PTPRD: variants seen among roughly 807,000 people sequenced by gnomAD.
PTPRD encodes protein tyrosine phosphatase receptor type D.
A neutral mutation model predicts 214.5 loss-of-function variants in PTPRD; 34 were observed. The ratio of observed to expected loss-of-function variants is 0.16; its 90% CI spans 0.12 to 0.21. The LOEUF (loss-of-function observed/expected upper bound fraction) is 0.21, where lower values mean the gene tolerates loss of function less well. PTPRD is among the 10% of genes least tolerant of loss of function. The pLI is 1.00. For synonymous variants in PTPRD, 1,128 were observed against 845.7 expected (o/e 1.33, Z -5.79); for missense variants, 2,545 against 2,398.7 (o/e 1.06, Z -1.27).
At chr9:10,472,038 T>C (rs181559583) in intron 2 of PTPRD, among the ~76,000 whole-genome samples, 1 of 152,228 alleles carries the variant, frequency 6.6e-6, no homozygotes, top group East Asian at 1.9e-4. Flanking sequence ...GCTTATGAGA[T>C]ATCACAAAAT....
chr9:9,502,264 C>T (rs956269304), intron 8 of PTPRD, among the ~76,000 whole-genome samples: 16 of 151,802 alleles, frequency 1.1e-4, no homozygotes, highest in Admixed American at 4.0e-4. Context: ...TGACTAATAT[C>T]TCCCCCTTTC....
intron 10 of PTPRD, among the ~76,000 whole-genome samples, chr9:9,146,658 C>G (rs2099869075): frequency 6.6e-6 from 1 of 151,960 alleles, no homozygotes; most frequent in Non-Finnish European, 1.5e-5. Context: ...GTTTGAAGTT[C>G]CAAAAATATT....
chr9:9,637,569 C>T (rs1255171155), intron 7 of PTPRD, among the ~76,000 whole-genome samples: 2 of 152,188 alleles, frequency 1.3e-5, no homozygotes, highest in African/African-American at 4.8e-5. Context: ...ATGTGGTTCC[C>T]CTAATGCCTT....
At chr9:9,653,767 C>A (rs1021858781) in intron 7 of PTPRD, among the ~76,000 whole-genome samples, 2 of 152,206 alleles carry the variant, frequency 1.3e-5, no homozygotes, top group African/African-American at 4.8e-5. Flanking sequence ...ACTTATAAAG[C>A]TCCTTCCTCT....
chr9:9,495,397 GT>G (rs759638425), intron 8 of PTPRD, among the ~76,000 whole-genome samples: 3 of 151,336 alleles, frequency 2.0e-5, no homozygotes, highest in Admixed American at 1.3e-4. Context: ...TTCTATTCCT[GT>G]TTTCCCACTC....
intron 10 of PTPRD, among the ~76,000 whole-genome samples, chr9:9,078,996 G>C (rs1004677656): frequency 6.6e-6 from 1 of 151,934 alleles, no homozygotes; most frequent in Non-Finnish European, 1.5e-5. Context: ...ATGATGTATA[G>C]TGATCAGATC....
At chr9:10,244,141 C>T (rs960896128) in intron 3 of PTPRD, among the ~76,000 whole-genome samples, 1 of 151,876 alleles carries the variant, frequency 6.6e-6, no homozygotes, top group Admixed American at 6.6e-5. Context: ...GTATCCCACT[C>T]AAACTTTGAG....
At chr9:9,828,680 C>A (rs1186444274) in intron 5 of PTPRD, among the ~76,000 whole-genome samples, 1 of 151,240 alleles carries the variant, frequency 6.6e-6, no homozygotes, top group Non-Finnish European at 1.5e-5. Flanking sequence ...AATTTACTTC[C>A]TAATGAAAAT....
intron 12 of PTPRD, among the ~76,000 whole-genome samples, chr9:8,671,800 T>C (rs906775358): frequency 1.3e-5 from 2 of 152,180 alleles, no homozygotes; most frequent in Non-Finnish European, 2.9e-5. Context: ...TTTCTTGTGG[T>C]TCCATATGAA....
rs2098535190 is a variant in PTPRD at position 10,099,934 on chromosome 9, T to C, written c.-544-66144A>G. On this transcript the variant is annotated intron_variant, in intron 3 of 45. Transcript: ENST00000381196. ...TACTGCATCCTCTATAATCTATGAA[T>C]GCACATTAACATTTTAAAGGATTTG... is the stretch of plus-strand genomic sequence containing the variant. Among the ~76,000 whole-genome samples, 3 of 151,734 alleles carry C rather than the reference T, an allele frequency of 2.0e-5. No homozygotes were observed. The South Asian group carries it at 6.2e-4, about 31-fold the overall frequency.
intron 5 of PTPRD, among the ~76,000 whole-genome samples, chr9:9,925,048 A>G (rs2083791368): frequency 6.6e-6 from 1 of 152,138 alleles, no homozygotes; most frequent in Admixed American, 6.6e-5. Flanking sequence ...CAGCTGGTAT[A>G]TAATTGTCTA....
Position 8,979,868 on chromosome 9 carries a change from C to A in PTPRD, c.-104+38829G>T, listed in dbSNP as rs938704458. Among the ~76,000 whole-genome samples, 7 of 152,102 alleles carry A rather than the reference C, an allele frequency of 4.6e-5. No individual in the cohort carries two copies. The South Asian group carries it at 1.2e-3, about 27-fold the overall frequency. Reference sequence around the variant, plus strand: ...CAGCAATTCCTCTTTTGGACATATACCCAAAGAAGATGAAATCACCACTTT... The same window carrying A: ...CAGCAATTCCTCTTTTGGACATATAACCAAAGAAGATGAAATCACCACTTT... On this transcript the variant is annotated intron_variant, in intron 11 of 45. Transcript: ENST00000381196.
chr9:8,479,865 C>T (rs1288586646), intron 30 of PTPRD, among the ~76,000 whole-genome samples: 1 of 151,988 alleles, frequency 6.6e-6, no homozygotes, highest in African/African-American at 2.4e-5. Context: ...TCTATCATTT[C>T]CCTGTTCCTT....
At chr9:8,636,982 A>G (rs901097352) in intron 12 of PTPRD, 138 bp from the exon 13 acceptor site, 5 of 816,260 alleles carry the variant, frequency 6.1e-6, no homozygotes, top group Non-Finnish European at 9.1e-6. Context: ...TGGGATTACA[A>G]AATTAGAAAA....
In PTPRD at chr9:9,727,489, C is replaced by T. The variant is rs147396835; in HGVS notation, c.-287+7044G>A. 1.7e-3 allele frequency among the ~76,000 whole-genome samples: 254 copies of T among 152,148 alleles called. 1 individual carries two copies. Among genetic ancestry groups the T allele is most frequent in the African/African-American group, 5.7e-3 (237 of 41,522 alleles). ...ATGAAAATATCTTCATAAAAGCATT[C>T]ATAAATATTTTATGTCAGATGAGAG... is the stretch of plus-strand genomic sequence containing the variant. On this transcript the variant is annotated intron_variant, in intron 7 of 45. Coordinates refer to ENST00000381196, the MANE Select transcript of PTPRD (RefSeq NM_002839.4).
chr9:9,947,663 T>C (rs1426174965), intron 4 of PTPRD, among the ~76,000 whole-genome samples: 7 of 112,806 alleles, frequency 6.2e-5, no homozygotes, highest in Non-Finnish European at 1.7e-5. Flanking sequence ...CACCATGGCA[T>C]GTAGGTAGTA....
intron 9 of PTPRD, among the ~76,000 whole-genome samples, chr9:9,188,244 T>C (rs1353544165): frequency 6.6e-6 from 1 of 152,110 alleles, no homozygotes; most frequent in Non-Finnish European, 1.5e-5. Context: ...AATATCTGAA[T>C]ATACAGTGCC....
At chr9:8,769,277 T>C (rs1474116522) in intron 11 of PTPRD, among the ~76,000 whole-genome samples, 1 of 152,228 alleles carries the variant, frequency 6.6e-6, no homozygotes, top group East Asian at 1.9e-4. Context: ...TCACTATTTA[T>C]ATATCTTTGT....
chr9:8,888,532 G>A (rs1161652251), intron 11 of PTPRD, among the ~76,000 whole-genome samples: 1 of 152,258 alleles, frequency 6.6e-6, no homozygotes, highest in South Asian at 2.1e-4. Context: ...TGTCTCCCTC[G>A]TGTGAAACCA....
Sources: gnomAD v4.1 joint callset for allele counts (sites outside exome capture counted in the v4.1 genomes callset) on GRCh38, gnomAD v4.1.1 for gene constraint, MANE v1.5 for transcripts, NCBI Gene and HGNC (gene_info 2026-07-23, HGNC 2026-07-21) for gene names.